Variants in SLC18B1 observed in about 807,000 individuals in gnomAD.
SLC18B1 encodes MFS-type transporter SLC18B1.
Under a neutral mutation model 53.9 loss-of-function variants are expected in SLC18B1, and 62 were observed. That is an observed-to-expected ratio of 1.15 (90% CI 0.94 to 1.42). The LOEUF is 1.42. Among genes scored for constraint, SLC18B1 ranks in the 40% most tolerant of loss-of-function variants. The pLI, the probability that SLC18B1 is intolerant of heterozygous loss-of-function variation, is 0.00. For missense variants in SLC18B1, 598 were observed against 547.3 expected, an observed-to-expected ratio of 1.09 and a Z score of -0.93; for synonymous variants, 217 against 200.9, an observed-to-expected ratio of 1.08 and a Z score of -0.68.
intron 8 of SLC18B1, 76 bp from the exon 9 acceptor site, chr6:132,774,389 G>T: frequency 9.0e-7 from 1 of 1,113,080 alleles, no homozygotes; most frequent in Non-Finnish European, 1.3e-6. Context: ...TAAAACATTA[G>T]TAAAAAACAC....
intron 11 of SLC18B1, 120 bp downstream of exon 11, chr6:132,772,012 G>A: frequency 1.6e-6 from 1 of 637,846 alleles, no homozygotes; most frequent in Non-Finnish European, 2.6e-6. Context: ...GAATCTCTTG[G>A]ACCTGGGAGG....
At chr6:132,797,504 A>T (rs1381785519) in intron 1 of SLC18B1, among the ~76,000 whole-genome samples, 10 of 152,240 alleles carry the variant, frequency 6.6e-5, no homozygotes, top group African/African-American at 2.4e-4. Flanking sequence ...AGGCTGAGGC[A>T]GGAGAATGGC....
At chr6:132,783,200 AGAGTCTCGCTCTATCACCCAGGCTG>A in intron 6 of SLC18B1, among the ~76,000 whole-genome samples, 1 of 151,278 alleles carries the variant, frequency 6.6e-6, no homozygotes, top group Middle Eastern at 3.2e-3. Context: ...AGGGGGTGGA[AGAGTCTCGCTCTATCACCCAGGCTG>A]GAGTGCAATG....
In SLC18B1 at chr6:132,769,373, GA is replaced by G. The variant is rs1780914574; in HGVS notation, c.*896del. The G allele has an allele frequency of 6.6e-6, 1 of 152,184 alleles. No homozygotes were observed. Among genetic ancestry groups the G allele is most frequent in the Non-Finnish European group, 1.5e-5 (1 of 68,040 alleles). 9.4% of individuals were successfully genotyped at this position (152,184 alleles called of 1,614,324 possible). A position where few individuals can be genotyped will look rare whatever the true frequency, so the allele number is the denominator to read the frequency against. The stretch of plus-strand genomic sequence containing the variant: ...CATGAAAATAGACCAAGAAGCATGA[GA>G]GTTACACAATAGACATTTATTCACT... On this transcript the variant is annotated 3_prime_UTR_variant, in exon 14 of 14. Coordinates refer to ENST00000275227, the MANE Select transcript of SLC18B1 (RefSeq NM_052831.3).
rs541118400 is a variant in SLC18B1 at position 132,797,294 on chromosome 6, C to T, written c.44-173G>A. ...GGAACACAATCCTTGTACATTACTG[C>T]CGTTTTGAAAACGTACTGCTTTCGG... is the stretch of plus-strand genomic sequence containing the variant. On this transcript the variant is annotated intron_variant, in intron 1 of 13. Coordinates refer to ENST00000275227, the MANE Select transcript of SLC18B1 (RefSeq NM_052831.3). 5.9e-5 allele frequency among the ~76,000 whole-genome samples: 9 copies of T among 152,318 alleles called. No individual in the cohort carries two copies. The South Asian group carries it at 1.7e-3, about 28-fold the overall frequency.
At chr6:132,776,043 T>A (rs751196460) in intron 8 of SLC18B1, among the ~76,000 whole-genome samples, 1 of 152,240 alleles carries the variant, frequency 6.6e-6, no homozygotes. Context: ...CACTCCAGTC[T>A]GGACGACAAA....
intron 7 of SLC18B1, among the ~76,000 whole-genome samples, chr6:132,778,812 T>A (rs750830114): frequency 3.3e-5 from 5 of 152,160 alleles, no homozygotes; most frequent in Non-Finnish European, 7.3e-5. Flanking sequence ...CTTTCTCAAA[T>A]CCCAGAATAA....
At chr6:132,772,921 G>T in intron 10 of SLC18B1, 72 bp downstream of exon 10, 1 of 1,112,522 alleles carries the variant, frequency 9.0e-7, no homozygotes, top group Non-Finnish European at 1.3e-6. Flanking sequence ...GCAAAATTGA[G>T]AAATTCAAGA....
At chr6:132,790,917 A>G (rs1382792763) in intron 2 of SLC18B1, among the ~76,000 whole-genome samples, 1 of 152,222 alleles carries the variant, frequency 6.6e-6, no homozygotes, top group Non-Finnish European at 1.5e-5. Flanking sequence ...ACTAATGTTT[A>G]TAGCCTATTC....
In SLC18B1 at chr6:132,798,612, A is replaced by C; in HGVS notation, c.-156T>G. 1.4e-6 allele frequency: 1 copy of C among 709,088 alleles called. No individual in the cohort carries two copies. Among genetic ancestry groups the C allele is most frequent in the East Asian group, 3.3e-5 (1 of 30,004 alleles). The allele number at this position is 709,088 out of a possible 1,614,324, so 43.9% of individuals were successfully genotyped here. On this transcript the variant is annotated 5_prime_UTR_variant, in exon 1 of 14. Coordinates refer to ENST00000275227, the MANE Select transcript of SLC18B1 (RefSeq NM_052831.3). ...GCAGGCAGCGATCCGCCCGGCCCGG[A>C]GCTCCCCAAAGCCTTCCAGGACTCT... is the stretch of plus-strand genomic sequence containing the variant.
intron 2 of SLC18B1, 32 bp from the exon 3 acceptor site, chr6:132,790,304 A>G: frequency 6.8e-7 from 1 of 1,462,780 alleles, no homozygotes; most frequent in Non-Finnish European, 9.2e-7. Context: ...ACAAAGTTTC[A>G]AAGAAAAATT....
At chr6:132,776,464 T>A in intron 7 of SLC18B1, 35 bp from the exon 8 acceptor site, 1 of 1,510,892 alleles carries the variant, frequency 6.6e-7, no homozygotes, top group Non-Finnish European at 9.1e-7. Context: ...GTTACATAAT[T>A]AAGTCATTTT....
intron 4 of SLC18B1, among the ~76,000 whole-genome samples, chr6:132,788,217 T>C (rs538326065): frequency 6.6e-6 from 1 of 151,498 alleles, no homozygotes; most frequent in Admixed American, 6.6e-5. Context: ...CAATAAATAC[T>C]GGCCCATCTG....
chr6:132,790,157 CA>C lies in SLC18B1; in HGVS notation c.279+19del, dbSNP rs1423660751. 1 of 1,500,174 alleles carries C rather than the reference CA, an allele frequency of 6.7e-7. No homozygotes were observed. The highest frequency in any genetic ancestry group is 1.4e-5 in the African/African-American group (1 of 71,032). 92.9% of individuals were successfully genotyped at this position (1,500,174 alleles called of 1,614,324 possible). ...TATAATTTTTAAAAATTAAGATGTGCATATGAACTTTATACTTACATAGTTT... is the reference window on the plus strand; with the variant it reads ...TATAATTTTTAAAAATTAAGATGTGCTATGAACTTTATACTTACATAGTTT... On this transcript the variant is annotated intron_variant, in intron 3 of 13. Coordinates refer to ENST00000275227, the MANE Select transcript of SLC18B1 (RefSeq NM_052831.3).
chr6:132,791,917 A>C (rs1462300788), intron 2 of SLC18B1, among the ~76,000 whole-genome samples: 1 of 152,052 alleles, frequency 6.6e-6, no homozygotes, highest in African/African-American at 2.4e-5. Context: ...TTGTGAAAGG[A>C]GTCAATTAAC....
At chr6:132,784,273 T>A (rs962939607) in intron 5 of SLC18B1, among the ~76,000 whole-genome samples, 184 bp from the exon 6 acceptor site, 1 of 152,070 alleles carries the variant, frequency 6.6e-6, no homozygotes, top group Admixed American at 6.5e-5. Context: ...ATGGGAGTTT[T>A]AAAAAAATTG....
chr6:132,777,012 G>A (rs1032038592), intron 7 of SLC18B1, among the ~76,000 whole-genome samples: 6 of 152,040 alleles, frequency 3.9e-5, no homozygotes, highest in African/African-American at 9.7e-5. Flanking sequence ...TTCAGGTCAG[G>A]AGTTTGAGAC....
intron 2 of SLC18B1, among the ~76,000 whole-genome samples, chr6:132,795,000 G>A (rs1341877437): frequency 6.6e-6 from 1 of 151,680 alleles, no homozygotes; most frequent in Non-Finnish European, 1.5e-5. Flanking sequence ...GTGAAACCCT[G>A]TCTCAAAAAA....
In SLC18B1 at chr6:132,772,992, C is replaced by A. The variant is rs766539035; in HGVS notation, c.1085+1G>T. The A allele has an allele frequency of 2.7e-5, 43 of 1,608,978 alleles. 1 individual carries two copies. The South Asian group carries it at 4.4e-4, about 16-fold the overall frequency. ...CTCTTCAAGCAATGGAAGTAACTTA[C>A]TGTGCACAACTGAGAATTTCCGGGA... is the stretch of plus-strand genomic sequence containing the variant. On this transcript the variant is annotated splice_donor_variant, in intron 10 of 13. Coordinates refer to ENST00000275227, the MANE Select transcript of SLC18B1 (RefSeq NM_052831.3). LOFTEE classifies it high-confidence loss of function.
Sources: allele counts gnomAD v4.1 joint callset (sites outside exome capture counted in the v4.1 genomes callset), GRCh38; gene constraint gnomAD v4.1.1; transcripts MANE v1.5; gene names NCBI Gene and HGNC (gene_info 2026-07-23, HGNC 2026-07-21).